The following PRKAG2 variants were observed in gnomAD, a reference collection of about 807,000 sequenced individuals.
PRKAG2 encodes the protein protein kinase AMP-activated non-catalytic subunit gamma 2, also known as 5'-AMP-activated protein kinase subunit gamma-2.
PRKAG2 carries 26 observed loss-of-function variants against 69.6 expected under a neutral mutation model. The ratio of observed to expected loss-of-function variants is 0.37; its 90% CI spans 0.27 to 0.52. PRKAG2 has a LOEUF of 0.52. PRKAG2 is among the 20% of genes least tolerant of loss of function. The pLI is 0.90. For missense variants in PRKAG2, 557 were observed against 740.0 expected, an observed-to-expected ratio of 0.75 and a Z score of 2.87; for synonymous variants, 293 against 285.0, an observed-to-expected ratio of 1.03 and a Z score of -0.28.
At chr7:151,728,799 C>A (rs1798425971) in intron 3 of PRKAG2, among the ~76,000 whole-genome samples, 1 of 152,150 alleles carries the variant, frequency 6.6e-6, no homozygotes, top group Admixed American at 6.5e-5. Flanking sequence ...GGAGAGCACG[C>A]ACCTCGCTGA....
At position 151,703,810 on chromosome 7, in the gene PRKAG2, C is replaced by T. The variant is rs1838116919; in HGVS notation, c.467-28173G>A. ...ACAAGGTCAGGAGTTTGAGACCAGCCTAACCAACATGGTGAAACCCTGTCT... is the reference window on the plus strand; with the variant it reads ...ACAAGGTCAGGAGTTTGAGACCAGCTTAACCAACATGGTGAAACCCTGTCT... On this transcript the variant is annotated intron_variant, in intron 3 of 15. Coordinates refer to ENST00000287878, the MANE Select transcript of PRKAG2 (RefSeq NM_016203.4). Among the ~76,000 whole-genome samples the T allele has an allele frequency of 2.0e-5, 3 of 147,654 alleles. No homozygotes were observed. In the Admixed American group the frequency reaches 2.1e-4, roughly 10 times the overall value.
intron 5 of PRKAG2, among the ~76,000 whole-genome samples, chr7:151,626,943 G>A (rs574386514): frequency 6.6e-6 from 1 of 152,026 alleles, no homozygotes; most frequent in Non-Finnish European, 1.5e-5. Context: ...AACAAGAACC[G>A]ATCTTCACTT....
intron 5 of PRKAG2, among the ~76,000 whole-genome samples, chr7:151,595,986 A>G (rs1383143555): frequency 1.3e-5 from 2 of 152,148 alleles, no homozygotes; most frequent in African/African-American, 4.8e-5. Context: ...CCTGGGTGGC[A>G]TAGCAAGACC....
intron 3 of PRKAG2, among the ~76,000 whole-genome samples, chr7:151,681,293 A>G (rs139862581): frequency 2.3e-4 from 35 of 152,300 alleles, no homozygotes; most frequent in African/African-American, 7.0e-4. Context: ...TATCATTGCC[A>G]TCTTTCCAAG....
chr7:151,697,431 C>G lies in PRKAG2; in HGVS notation c.467-21794G>C, dbSNP rs913722907. Among the ~76,000 whole-genome samples the G allele has an allele frequency of 2.6e-5, 4 of 152,172 alleles. No individual in the cohort carries two copies. In the East Asian group the frequency reaches 7.7e-4, roughly 29 times the overall value. ...CCCTCTGAGGAGGCTCTGCCACCAC[C>G]TGTGGGACAGCAGGAGGAGCTTGAA... On this transcript the variant is annotated intron_variant, in intron 3 of 15. Transcript: ENST00000287878.
chr7:151,591,516 G>A (rs942108354), intron 6 of PRKAG2, among the ~76,000 whole-genome samples: 3 of 152,268 alleles, frequency 2.0e-5, no homozygotes, highest in Non-Finnish European at 1.5e-5. Context: ...ACCCCAGAAC[G>A]GCCTGAAACA....
At chr7:151,729,723 C>T (rs898056089) in intron 3 of PRKAG2, among the ~76,000 whole-genome samples, 6 of 152,104 alleles carry the variant, frequency 3.9e-5, no homozygotes, top group Non-Finnish European at 8.8e-5. Context: ...CGTCCAGCCC[C>T]GCAGGCCTCT....
At chr7:151,592,853 C>T (rs893061973) in intron 6 of PRKAG2, among the ~76,000 whole-genome samples, 28 of 152,186 alleles carry the variant, frequency 1.8e-4, no homozygotes, top group African/African-American at 6.5e-4. Flanking sequence ...ATTACTGCAG[C>T]CTGTGTCTAG....
chr7:151,789,753 C>T (rs1302655533), intron 1 of PRKAG2, among the ~76,000 whole-genome samples: 1 of 152,188 alleles, frequency 6.6e-6, no homozygotes, highest in Non-Finnish European at 1.5e-5. Context: ...CACTGGCCTG[C>T]GGTACAGCGA....
chr7:151,731,522 C>CTGTGTGTGTGTGTG (rs113764475), intron 3 of PRKAG2, among the ~76,000 whole-genome samples: 1,584 of 107,750 alleles, frequency 0.015, 37 homozygotes, highest in African/African-American at 0.042. Flanking sequence ...GGGGAGAGCT[C>CTGTGTGTGTGTGTG]TGTGTGTGTG....
At chr7:151,776,395 A>G (rs12534382) in intron 3 of PRKAG2, among the ~76,000 whole-genome samples, 29,039 of 151,862 alleles carry the variant, frequency 0.19, 3,506 homozygotes, top group African/African-American at 0.3. Flanking sequence ...AAGCCAGAAG[A>G]GTGAACCTGG....
intron 5 of PRKAG2, among the ~76,000 whole-genome samples, chr7:151,619,401 T>C (rs1421668474): frequency 6.6e-6 from 1 of 152,164 alleles, no homozygotes; most frequent in Non-Finnish European, 1.5e-5. Flanking sequence ...TGCAAAACTT[T>C]CCGAGTGCCA....
intron 3 of PRKAG2, among the ~76,000 whole-genome samples, chr7:151,697,310 T>C (rs1467453591): frequency 6.6e-6 from 1 of 152,078 alleles, no homozygotes; most frequent in Non-Finnish European, 1.5e-5. Context: ...TGGACCTGTG[T>C]CCGAGCATCA....
chr7:151,701,887 G>T (rs1387984564), intron 3 of PRKAG2, among the ~76,000 whole-genome samples: 2 of 151,552 alleles, frequency 1.3e-5, no homozygotes, highest in Admixed American at 1.3e-4. Flanking sequence ...ACTGCCAGAG[G>T]CCAGGAGGCA....
At chr7:151,794,532 G>A (rs574848057) in intron 1 of PRKAG2, among the ~76,000 whole-genome samples, 15 of 152,354 alleles carry the variant, frequency 9.8e-5, no homozygotes, top group South Asian at 8.3e-4. Context: ...GCCGCTGGCC[G>A]AGGGCACACT....
Position 151,847,092 on chromosome 7 carries a change from G to T in PRKAG2, c.114+29415C>A, listed in dbSNP as rs1320183504. Reference sequence around the variant, plus strand: ...CTGTGCAAAGCCCATGCTTGACGGGGGATGCCCGAGAGGGAAATGGTTCTG... The same window carrying T: ...CTGTGCAAAGCCCATGCTTGACGGGTGATGCCCGAGAGGGAAATGGTTCTG... On this transcript the variant is annotated intron_variant, in intron 1 of 15. Transcript: ENST00000287878. Among the ~76,000 whole-genome samples, 19 of 152,210 alleles carry T rather than the reference G, an allele frequency of 1.2e-4. 1 individual carries two copies. Among genetic ancestry groups the T allele is most frequent in the African/African-American group, 2.4e-5 (1 of 41,434 alleles).
intron 1 of PRKAG2, among the ~76,000 whole-genome samples, chr7:151,791,986 G>T (rs2077290113): frequency 6.6e-6 from 1 of 152,246 alleles, no homozygotes; most frequent in South Asian, 2.1e-4. Context: ...CCCAATGCCA[G>T]AGAATCAGAC....
intron 1 of PRKAG2, among the ~76,000 whole-genome samples, chr7:151,831,892 G>A (rs2151876027): frequency 6.6e-6 from 1 of 152,266 alleles, no homozygotes; most frequent in African/African-American, 2.4e-5. Flanking sequence ...GGGAGCAGAG[G>A]ACACTTCCCC....
In PRKAG2 at chr7:151,780,522, C is replaced by T. The variant is rs941208454; in HGVS notation, c.466+630G>A. 2.0e-5 allele frequency among the ~76,000 whole-genome samples: 3 copies of T among 152,306 alleles called. No individual in the cohort carries two copies. The highest frequency in any genetic ancestry group is 3.4e-3 in the Middle Eastern group (1 of 294). On this transcript the variant is annotated intron_variant, in intron 3 of 15. Coordinates refer to ENST00000287878, the MANE Select transcript of PRKAG2 (RefSeq NM_016203.4). This position sits in a 1 kb window ranked among gnomAD's most constrained non-coding sequence, Gnocchi z 4.2. ...TAGTTCGTGGTATATTTCATATTAT[C>T]ATCGACGGCGCTCAAATGAAAATAC...
Sources: allele counts gnomAD v4.1 joint callset (sites outside exome capture counted in the v4.1 genomes callset), GRCh38; gene constraint gnomAD v4.1.1; non-coding constraint Gnocchi (gnomAD v3.1); transcripts MANE v1.5; gene names NCBI Gene and HGNC (gene_info 2026-07-23, HGNC 2026-07-21).